Variants in ABCA4 observed in about 807,000 individuals in gnomAD.
ABCA4 encodes the protein ATP binding cassette subfamily A member 4, also known as retinal-specific phospholipid-transporting ATPase ABCA4.
Under a neutral mutation model 263.7 loss-of-function variants are expected in ABCA4, and 196 were observed. That is an observed-to-expected ratio of 0.74 (90% CI 0.66 to 0.84). The LOEUF is 0.84. ABCA4 is among the 40% of genes least tolerant of loss of function. ABCA4 has a pLI of 0.00. For missense variants in ABCA4, 2,792 were observed against 2,855.1 expected (o/e 0.98, Z 0.50); for synonymous variants, 1,133 against 1,094.2 (o/e 1.04, Z -0.70).
At chr1:94,043,027 T>A in intron 21 of ABCA4, 129 bp from the exon 22 acceptor site, 1 of 1,374,850 alleles carries the variant, frequency 7.3e-7, no homozygotes, top group Middle Eastern at 2.1e-4. Context: ...TAGATGTTTA[T>A]AGCGTTCAAA....
At chr1:94,023,288 C>T in intron 32 of ABCA4, 98 bp downstream of exon 32, 1 of 1,010,926 alleles carries the variant, frequency 9.9e-7, no homozygotes, top group Non-Finnish European at 1.5e-6. Context: ...ACAGAACAGC[C>T]CCTCCTCATG....
intron 38 of ABCA4, among the ~76,000 whole-genome samples, 171 bp downstream of exon 38, chr1:94,014,372 T>TGGGA (rs1354178584): frequency 3.0e-5 from 2 of 66,454 alleles, no homozygotes; most frequent in Non-Finnish European, 5.2e-5. Flanking sequence ...GAAGGAAGGA[T>TGGGA]GGGAGGAAGG....
rs747276412 is a variant in ABCA4, at chr1:94,008,248, A to T, written c.5885T>A (p.Val1962Asp). Residue 1962 changes from valine to aspartate, a missense_variant, in exon 42 of 50, where the codon GTT (valine) becomes GAT (aspartate). Coordinates refer to ENST00000370225, the MANE Select transcript of ABCA4 (RefSeq NM_000350.3). Reference sequence around the variant, plus strand: ...CAGAGTACCCACCTCTCCAGGGCGAACTCCGACACACAGCCTGTCCACTGC... The same window carrying T: ...CAGAGTACCCACCTCTCCAGGGCGATCTCCGACACACAGCCTGTCCACTGC... ...SPAVDRLCVGVRPGECFGLLG... is the reference protein window; with the variant it reads ...SPAVDRLCVGDRPGECFGLLG... 6.2e-7 allele frequency: 1 copy of T among 1,614,136 alleles called. No homozygotes were observed. The highest frequency in any genetic ancestry group is 1.1e-5 in the South Asian group (1 of 91,082).
chr1:94,095,415 T>C (rs1350525352), intron 6 of ABCA4, among the ~76,000 whole-genome samples: 1 of 152,116 alleles, frequency 6.6e-6, no homozygotes, highest in Non-Finnish European at 1.5e-5. Flanking sequence ...CTTTCTTTGT[T>C]AATGAGAACT....
At chr1:94,001,251 C>T (rs1369456935) in intron 45 of ABCA4, 146 bp from the exon 46 acceptor site, 3 of 675,582 alleles carry the variant, frequency 4.4e-6, no homozygotes, top group Admixed American at 2.2e-5. Context: ...ACAGGGGTAC[C>T]CTGGTGTAGG....
intron 36 of ABCA4, among the ~76,000 whole-genome samples, chr1:94,016,403 A>G (rs1659746951): frequency 6.6e-6 from 1 of 152,116 alleles, no homozygotes; most frequent in Non-Finnish European, 1.5e-5. Context: ...ACGGGATGAG[A>G]AAGATATCCT....
At chr1:94,067,351 T>C (rs1032928912) in intron 11 of ABCA4, among the ~76,000 whole-genome samples, 1 of 152,250 alleles carries the variant, frequency 6.6e-6, no homozygotes, top group African/African-American at 2.4e-5. Flanking sequence ...CTGATGTTTT[T>C]CAGTGGCATT....
chr1:94,062,943 A>T lies in ABCA4; in HGVS notation c.1760+169T>A, dbSNP rs17390419. Among the ~76,000 whole-genome samples the T allele has an allele frequency of 0.022, 3,282 of 152,302 alleles. 60 individuals carry two copies. The highest frequency in any genetic ancestry group is 0.031 in the Non-Finnish European group (2,084 of 68,002). On this transcript the variant is annotated intron_variant, in intron 12 of 49. Transcript: ENST00000370225. ...AATATTAGCCACAATGTGACTCTGTAATTGCTTTCATTCAAGGACTCTTTG... is the reference window on the plus strand; with the variant it reads ...AATATTAGCCACAATGTGACTCTGTTATTGCTTTCATTCAAGGACTCTTTG...
At position 94,111,438 on chromosome 1, in the gene ABCA4, A is replaced by G. The variant is rs1390936521; in HGVS notation, c.302T>C (p.Ile101Thr). 6.2e-7 allele frequency: 1 copy of G among 1,613,920 alleles called. No homozygotes were observed. Among genetic ancestry groups the G allele is most frequent in the South Asian group, 1.1e-5 (1 of 90,986 alleles). The stretch of plus-strand genomic sequence containing the variant: ...GCATGGTAGGGATCTCAACACTTAC[A>G]TGGAGTTGTTATAGTTTGACACAAT... ...PGIVSNYNNS[I>T]LARVYRDFQE... The change falls in exon 3 of 50, where the codon ATC becomes ACC. Residue 101 changes from isoleucine to threonine, a missense_variant and splice_region_variant. Coordinates refer to ENST00000370225, the MANE Select transcript of ABCA4 (RefSeq NM_000350.3).
chr1:94,068,360 C>T (rs945311941), intron 11 of ABCA4, among the ~76,000 whole-genome samples: 3 of 152,244 alleles, frequency 2.0e-5, no homozygotes, highest in Non-Finnish European at 4.4e-5. Flanking sequence ...GGACATGAAT[C>T]AGAAGTTCCT....
At position 94,087,983 on chromosome 1, in the gene ABCA4, C is replaced by T. The variant is rs1404260623; in HGVS notation, c.769-4542G>A. Among the ~76,000 whole-genome samples the T allele has an allele frequency of 5.3e-5, 8 of 152,254 alleles. No individual in the cohort carries two copies. In the South Asian group the frequency reaches 6.2e-4, roughly 12 times the overall value. The stretch of plus-strand genomic sequence containing the variant: ...AGGAGAGAAAGAATCTACCTCTGAT[C>T]GCTTATGTCTCCCTAGCTACAGTCT... On this transcript the variant is annotated intron_variant, in intron 6 of 49. Coordinates refer to ENST00000370225, the MANE Select transcript of ABCA4 (RefSeq NM_000350.3).
Position 94,021,888 on chromosome 1 carries a change from A to G in ABCA4, c.4731T>C (p.Val1577=). 2 of 1,614,162 alleles carry G rather than the reference A, an allele frequency of 1.2e-6. No homozygotes were observed. The highest frequency in any genetic ancestry group is 1.7e-6 in the Non-Finnish European group (2 of 1,179,996). Residue 1577 remains valine, a synonymous_variant, in exon 33 of 50, where the codon GTT becomes GTC. Coordinates refer to ENST00000370225, the MANE Select transcript of ABCA4 (RefSeq NM_000350.3). Reference sequence around the variant, plus strand: ...TCCGGCCAAGGTCGCTTAAAAACCCAACAAGTGCTTCCCCCGTGATGGGGA... The same window carrying G: ...TCCGGCCAAGGTCGCTTAAAAACCCGACAAGTGCTTCCCCCGTGATGGGGA... ...PVVPITGEAL[V]GFLSDLGRIM... is the part of the protein sequence containing the mutation.
Position 94,098,441 on chromosome 1 carries a change from A to G in ABCA4, c.768+353T>C, listed in dbSNP as rs79372932. ...GAGTACTGGGACCAGAAAAGGTTCAATATCTTACCATGATCACCTGGCTAG... is the reference window on the plus strand; with the variant it reads ...GAGTACTGGGACCAGAAAAGGTTCAGTATCTTACCATGATCACCTGGCTAG... On this transcript the variant is annotated intron_variant, in intron 6 of 49. Coordinates refer to ENST00000370225, the MANE Select transcript of ABCA4 (RefSeq NM_000350.3). Among the ~76,000 whole-genome samples, 508 of 152,342 alleles carry G rather than the reference A, an allele frequency of 3.3e-3. 6 individuals carry two copies. The highest frequency in any genetic ancestry group is 0.012 in the African/African-American group (490 of 41,578).
At position 94,048,898 on chromosome 1, in the gene ABCA4, C is replaced by T. The variant is rs749616079; in HGVS notation, c.2713G>A (p.Glu905Lys). The T allele has an allele frequency of 1.2e-6, 2 of 1,614,134 alleles. No homozygotes were observed. The highest frequency in any genetic ancestry group is 1.1e-5 in the South Asian group (1 of 91,064). ...EKTEPLTEET[E>K]DPEHPEGIHD... is the part of the protein sequence containing the mutation. ...ATTCCTTCTGGGTGCTCTGGATCCT[C>T]CGTTTCCTCTGTTAGGGGCTCGGTC... is the stretch of plus-strand genomic sequence containing the variant. Residue 905 changes from glutamate (E) to lysine (K), a missense_variant, in exon 18 of 50, where the codon GAG (glutamate) becomes AAG (lysine). Coordinates refer to ENST00000370225, the MANE Select transcript of ABCA4 (RefSeq NM_000350.3).
At chr1:94,085,620 C>T (rs513267) in intron 6 of ABCA4, among the ~76,000 whole-genome samples, 273 of 152,312 alleles carry the variant, frequency 1.8e-3, no homozygotes, top group Non-Finnish European at 3.2e-3. Flanking sequence ...AGTCATGTCG[C>T]TTTCCCTGCT....
chr1:94,090,689 C>A (rs971953709), intron 6 of ABCA4, among the ~76,000 whole-genome samples: 5 of 152,180 alleles, frequency 3.3e-5, no homozygotes, highest in African/African-American at 1.2e-4. Context: ...ATGTATCTAT[C>A]TCTCCACTAG....
intron 6 of ABCA4, among the ~76,000 whole-genome samples, chr1:94,092,416 G>A (rs1293724980): frequency 6.6e-6 from 1 of 152,210 alleles, no homozygotes; most frequent in Non-Finnish European, 1.5e-5. Flanking sequence ...CATGTTTCTT[G>A]CAAACTGACA....
intron 11 of ABCA4, among the ~76,000 whole-genome samples, chr1:94,068,265 A>C (rs1661323587): frequency 6.6e-6 from 1 of 152,188 alleles, no homozygotes; most frequent in African/African-American, 2.4e-5. Context: ...CTCTGCCCAC[A>C]GGAAGGCCTT....
intron 7 of ABCA4, among the ~76,000 whole-genome samples, chr1:94,081,372 T>G (rs948288708): frequency 6.6e-6 from 1 of 152,166 alleles, no homozygotes; most frequent in African/African-American, 2.4e-5. Context: ...AAGCCAGTTC[T>G]TGGGTTCTGT....
Sources: gnomAD v4.1 joint callset for allele counts (sites outside exome capture counted in the v4.1 genomes callset) on GRCh38, gnomAD v4.1.1 for gene constraint, MANE v1.5 for transcripts, NCBI Gene and HGNC (gene_info 2026-07-23, HGNC 2026-07-21) for gene names.